Variants in RIN3 observed in about 807,000 individuals in gnomAD.
RIN3 encodes RAB5 interacting protein 3.
Under a neutral mutation model 76.3 loss-of-function variants are expected in RIN3, and 54 were observed. That is an observed-to-expected ratio of 0.71 (90% CI 0.57 to 0.89). The LOEUF (loss-of-function observed/expected upper bound fraction) is 0.89, where lower values mean the gene tolerates loss of function less well. Among genes scored for constraint, RIN3 ranks in the 40% least tolerant of loss-of-function variants. The pLI is 0.00. For synonymous variants in RIN3, 576 were observed against 564.0 expected, an observed-to-expected ratio of 1.02 and a Z score of -0.30; for missense variants, 1,256 against 1,322.1, an observed-to-expected ratio of 0.95 and a Z score of 0.78.
rs961083524 is a variant in RIN3, at chr14:92,681,182, C to T, written c.2468-3805C>T. ...GTCTTTCCAGGGGCAGTGGGTTTTT[C>T]CAATCAACGCATTCGCCCCAGAGAG... is the stretch of plus-strand genomic sequence containing the variant. On this transcript the variant is annotated intron_variant, in intron 8 of 9. Transcript: ENST00000216487. This position sits in a 1 kb window ranked among gnomAD's most constrained non-coding sequence, Gnocchi z 4.7. Among the ~76,000 whole-genome samples the T allele has an allele frequency of 1.3e-5, 2 of 152,196 alleles. No individual in the cohort carries two copies. The highest frequency in any genetic ancestry group is 2.9e-5 in the Non-Finnish European group (2 of 68,034).
intron 4 of RIN3, among the ~76,000 whole-genome samples, chr14:92,629,152 A>T (rs923631795): frequency 4.5e-5 from 5 of 110,550 alleles, no homozygotes; most frequent in African/African-American, 1.1e-4. Context: ...AGAGAGAGAG[A>T]GATTGATTGA....
At chr14:92,566,558 A>T (rs564281159) in intron 2 of RIN3, among the ~76,000 whole-genome samples, 13 of 152,324 alleles carry the variant, frequency 8.5e-5, no homozygotes, top group African/African-American at 3.1e-4. Flanking sequence ...GAGTCAGGGC[A>T]CATTGCCGCC....
intron 1 of RIN3, among the ~76,000 whole-genome samples, chr14:92,536,361 T>C (rs1458429414): frequency 6.6e-6 from 1 of 152,188 alleles, no homozygotes; most frequent in African/African-American, 2.4e-5. Context: ...TCGCCTATTG[T>C]GTGTCTGTGA....
chr14:92,653,021 A>G lies in RIN3; in HGVS notation c.1972A>G (p.Ser658Gly). 1 of 1,611,182 alleles carries G rather than the reference A, an allele frequency of 6.2e-7. No individual in the cohort carries two copies. Among genetic ancestry groups the G allele is most frequent in the South Asian group, 1.1e-5 (1 of 91,084 alleles). ...MTQLKSYLLQ[S>G]TELKALVDPA... is the part of the protein sequence containing the mutation. Reference sequence around the variant, plus strand: ...CCAGCTCAAGAGCTACCTGCTGCAGAGCACCGAGCTCAAGGCCCTGGTGGA... The same window carrying G: ...CCAGCTCAAGAGCTACCTGCTGCAGGGCACCGAGCTCAAGGCCCTGGTGGA... The change falls in exon 6 of 10, where the codon AGC (serine) becomes GGC (glycine). Residue 658 changes from serine (S) to glycine (G), a missense_variant. Physicochemically the swap from Ser to Gly is moderately conservative, Grantham distance 56. Coordinates refer to ENST00000216487, the MANE Select transcript of RIN3 (RefSeq NM_024832.5).
chr14:92,542,857 C>G (rs1897158352), intron 1 of RIN3, among the ~76,000 whole-genome samples: 1 of 152,168 alleles, frequency 6.6e-6, no homozygotes, highest in Non-Finnish European at 1.5e-5. Flanking sequence ...GTGTATGCCT[C>G]TGTTTGTAGG....
At position 92,615,165 on chromosome 14, in the gene RIN3, G is replaced by A. The variant is rs193216998; in HGVS notation, c.368-242G>A. On this transcript the variant is annotated intron_variant, in intron 3 of 9. Coordinates refer to ENST00000216487, the MANE Select transcript of RIN3 (RefSeq NM_024832.5). ...CCGGGTATGTCTTTATCAGCAGCTC[G>A]AAAATGGACTAATACAAACAGGTAA... Among the ~76,000 whole-genome samples, 109 of 152,088 alleles carry A rather than the reference G, an allele frequency of 7.2e-4. 2 individuals are homozygous for A. The highest frequency in any genetic ancestry group is 6.5e-4 in the Admixed American group (10 of 15,286).
intron 2 of RIN3, among the ~76,000 whole-genome samples, chr14:92,567,228 A>T (rs1897937413): frequency 6.6e-6 from 1 of 152,226 alleles, no homozygotes; most frequent in African/African-American, 2.4e-5. Context: ...GGATACCCAA[A>T]GGTGGAGGCC....
intron 1 of RIN3, chr14:92,515,184 G>T: frequency 1.5e-6 from 1 of 688,846 alleles, no homozygotes. Flanking sequence ...CTGGATGCTG[G>T]TTTCTTTCTC....
In RIN3 at chr14:92,514,722, C is replaced by G. The variant is rs1403214249; in HGVS notation, c.44+746C>G. Among the ~76,000 whole-genome samples the G allele has an allele frequency of 6.6e-6, 1 of 152,246 alleles. No individual in the cohort carries two copies. Among genetic ancestry groups the G allele is most frequent in the Non-Finnish European group, 1.5e-5 (1 of 68,044 alleles). ...GCTCCGCCTCCTTGTCGCCCCCAGC[C>G]CCACCTCGCGAGCTCGGGCATTGCT... On this transcript the variant is annotated intron_variant, in intron 1 of 9. Coordinates refer to ENST00000216487, the MANE Select transcript of RIN3 (RefSeq NM_024832.5). This position sits in a 1 kb window ranked among gnomAD's most constrained non-coding sequence, Gnocchi z 7.2.
intron 1 of RIN3, among the ~76,000 whole-genome samples, chr14:92,531,253 T>C (rs1896872319): frequency 6.6e-6 from 1 of 152,170 alleles, no homozygotes; most frequent in Admixed American, 6.5e-5. Context: ...AACCCTGTCA[T>C]AGATGGAATG....
chr14:92,559,375 T>C (rs1483473625), intron 2 of RIN3, among the ~76,000 whole-genome samples: 2 of 152,186 alleles, frequency 1.3e-5, no homozygotes, highest in African/African-American at 4.8e-5. Context: ...GGGCTGAGGT[T>C]TGAACCCAGG....
intron 6 of RIN3, among the ~76,000 whole-genome samples, chr14:92,658,282 C>T (rs1004185223): frequency 6.6e-6 from 1 of 152,202 alleles, no homozygotes; most frequent in African/African-American, 2.4e-5. Flanking sequence ...AGTGAAGGAA[C>T]CAGCCATGTG....
chr14:92,553,529 A>G (rs1426321206), intron 1 of RIN3, among the ~76,000 whole-genome samples: 1 of 151,858 alleles, frequency 6.6e-6, no homozygotes, highest in Non-Finnish European at 1.5e-5. Flanking sequence ...GTGGACTTCC[A>G]CAGAGCCATC....
rs148787308 is a variant in RIN3 at position 92,558,170 on chromosome 14, G to A, written c.249+2215G>A. ...TCAAGACCAGCCTGGGCAACATGGC[G>A]AGACCCCGTCTCTACAAAAAATACA... On this transcript the variant is annotated intron_variant, in intron 2 of 9. Transcript: ENST00000216487. Among the ~76,000 whole-genome samples the A allele has an allele frequency of 6.7e-3, 1,024 of 152,246 alleles. 7 individuals are homozygous for A. The highest frequency in any genetic ancestry group is 0.011 in the Non-Finnish European group (731 of 68,016).
At chr14:92,646,372 G>T (rs1208493806) in intron 5 of RIN3, among the ~76,000 whole-genome samples, 1 of 152,166 alleles carries the variant, frequency 6.6e-6, no homozygotes, top group African/African-American at 2.4e-5. Flanking sequence ...CCACATGCCC[G>T]CCATGTGCTG....
At chr14:92,529,691 G>A (rs1896834197) in intron 1 of RIN3, among the ~76,000 whole-genome samples, 1 of 152,184 alleles carries the variant, frequency 6.6e-6, no homozygotes, top group Admixed American at 6.5e-5. Context: ...AAGTGTCCTT[G>A]TCGAGGTCGA....
chr14:92,551,974 T>A (rs1033703133), intron 1 of RIN3, among the ~76,000 whole-genome samples: 2 of 152,210 alleles, frequency 1.3e-5, no homozygotes, highest in Non-Finnish European at 2.9e-5. Context: ...GAGGAAGAAA[T>A]AGACCCTGAA....
At chr14:92,515,211 C>T in intron 1 of RIN3, 1 of 695,824 alleles carries the variant, frequency 1.4e-6, no homozygotes, top group Non-Finnish European at 2.6e-6. Context: ...GCGACCTCTG[C>T]AAAGACAAAT....
chr14:92,637,557 G>A (rs1886820546), intron 4 of RIN3, among the ~76,000 whole-genome samples: 2 of 152,142 alleles, frequency 1.3e-5, no homozygotes, highest in Admixed American at 1.3e-4. Flanking sequence ...AGGACCCTCT[G>A]GAGAAGGGAG....
Sources: gnomAD v4.1 joint callset for allele counts (sites outside exome capture counted in the v4.1 genomes callset) on GRCh38, gnomAD v4.1.1 for gene constraint, Gnocchi (gnomAD v3.1) non-coding constraint, MANE v1.5 for transcripts, NCBI Gene and HGNC (gene_info 2026-07-23, HGNC 2026-07-21) for gene names.